The following RASA3 variants were observed in gnomAD, a reference collection of about 807,000 sequenced individuals.
RASA3 encodes the protein RAS p21 protein activator 3.
A neutral mutation model predicts 110.0 loss-of-function variants in RASA3; 73 were observed. That is an observed-to-expected ratio of 0.66 (90% CI 0.55 to 0.81). RASA3 has a LOEUF of 0.81. RASA3 is among the 30% of genes least tolerant of loss of function. The pLI, the probability that RASA3 is intolerant of heterozygous loss-of-function variation, is 0.00. For missense variants in RASA3, 976 were observed against 1,113.2 expected, an observed-to-expected ratio of 0.88 and a Z score of 1.75; for synonymous variants, 500 against 451.4, an observed-to-expected ratio of 1.11 and a Z score of -1.37.
intron 1 of RASA3, among the ~76,000 whole-genome samples, chr13:114,074,294 T>C (rs1372611543): frequency 6.6e-6 from 1 of 152,148 alleles, no homozygotes; most frequent in Admixed American, 6.5e-5. Context: ...CCCCTCCTGC[T>C]GTCTCCCAGT....
chr13:113,999,463 T>G, intron 20 of RASA3, 122 bp downstream of exon 20: 4 of 748,876 alleles, frequency 5.3e-6, no homozygotes, highest in East Asian at 2.6e-5. Flanking sequence ...ACACGAAGAC[T>G]CTGAGAAGCC....
chr13:114,118,405 C>G (rs927037146), intron 1 of RASA3, among the ~76,000 whole-genome samples: 1 of 152,126 alleles, frequency 6.6e-6, no homozygotes, highest in East Asian at 1.9e-4. Flanking sequence ...ATTAACACAT[C>G]AAGTAAAACT....
intron 20 of RASA3, among the ~76,000 whole-genome samples, chr13:113,998,009 G>A (rs1182269332): frequency 6.6e-6 from 1 of 152,232 alleles, no homozygotes; most frequent in Admixed American, 6.5e-5. Flanking sequence ...CCTTCAGAAA[G>A]GTCTCCCCAG....
intron 2 of RASA3, among the ~76,000 whole-genome samples, chr13:114,054,143 T>C (rs1298882905): frequency 6.6e-6 from 1 of 151,384 alleles, no homozygotes; most frequent in Admixed American, 6.6e-5. Flanking sequence ...ATAATAAAAA[T>C]TAAAAAAATA....
chr13:114,109,132 T>C (rs185494676), intron 1 of RASA3, among the ~76,000 whole-genome samples: 361 of 152,308 alleles, frequency 2.4e-3, no homozygotes, highest in African/African-American at 8.6e-3. Context: ...GGCAGGGTCC[T>C]GGCCTGACAA....
At chr13:114,012,811 ACTC>A (rs67526054) in intron 15 of RASA3, among the ~76,000 whole-genome samples, 1,191 of 59,376 alleles carry the variant, frequency 0.02, 130 homozygotes, top group Admixed American at 0.056. Flanking sequence ...CACTCCACAC[ACTC>A]CTCATTCCAC....
chr13:114,019,445 C>T (rs1170935332), intron 9 of RASA3, among the ~76,000 whole-genome samples: 2 of 152,220 alleles, frequency 1.3e-5, no homozygotes, highest in African/African-American at 4.8e-5. Context: ...CTCTTCTGCT[C>T]TCATTTGTGG....
chr13:113,989,469 G>C (rs1218977336), intron 22 of RASA3, among the ~76,000 whole-genome samples: 7 of 81,696 alleles, frequency 8.6e-5, no homozygotes, highest in African/African-American at 2.9e-4. Context: ...TCACCCATCT[G>C]TCCATCCACC....
intron 1 of RASA3, among the ~76,000 whole-genome samples, chr13:114,093,866 C>T (rs774138404): frequency 1.3e-5 from 2 of 151,898 alleles, no homozygotes; most frequent in Admixed American, 6.6e-5. Context: ...GCATTTCATT[C>T]ACTGTATTTT....
intron 1 of RASA3, among the ~76,000 whole-genome samples, chr13:114,109,231 G>A (rs749665486): frequency 6.6e-6 from 1 of 152,226 alleles, no homozygotes; most frequent in Non-Finnish European, 1.5e-5. Context: ...TCTGGTGCCA[G>A]GGTCTTGCTT....
chr13:114,016,350 T>G, intron 12 of RASA3, 79 bp from the exon 13 acceptor site: 1 of 1,072,582 alleles, frequency 9.3e-7, no homozygotes, highest in Non-Finnish European at 1.4e-6. Context: ...GTCTCAGGCC[T>G]GGCTGAGATG....
chr13:114,041,785 G>A (rs779413286), intron 3 of RASA3, among the ~76,000 whole-genome samples: 13 of 152,238 alleles, frequency 8.5e-5, no homozygotes, highest in South Asian at 4.1e-4. Flanking sequence ...CCCACGCGAC[G>A]TGGGTTGGTC....
chr13:114,106,084 G>A (rs943651288), intron 1 of RASA3, among the ~76,000 whole-genome samples: 1 of 152,172 alleles, frequency 6.6e-6, no homozygotes, highest in African/African-American at 2.4e-5. Context: ...ATCGCAGAGC[G>A]GCACACGGCA....
intron 1 of RASA3, among the ~76,000 whole-genome samples, chr13:114,117,129 ATG>A (rs1401098605): frequency 7.9e-6 from 1 of 126,792 alleles, no homozygotes; most frequent in Non-Finnish European, 1.6e-5. Flanking sequence ...TGAGGGATGC[ATG>A]TGTGTGAGGA....
intron 2 of RASA3, among the ~76,000 whole-genome samples, chr13:114,054,057 C>A (rs982555710): frequency 6.6e-6 from 1 of 152,030 alleles, no homozygotes; most frequent in African/African-American, 2.4e-5. Flanking sequence ...ACCTGGGAGG[C>A]AGAGGTTGCA....
rs1555343918 is a variant in RASA3 at position 114,112,105 on chromosome 13, C to CCA, written c.55+20329_55+20330insTG. Among the ~76,000 whole-genome samples the CCA allele has an allele frequency of 5.9e-5, 9 of 151,740 alleles. No homozygotes were observed. Among genetic ancestry groups the CCA allele is most frequent in the Non-Finnish European group, 1.2e-4 (8 of 67,910 alleles). ...GAAACAGCAGCCCCCAGGCACCCCC[C>CCA]CCAGCAACTGGGACAAGGGCACACC... On this transcript the variant is annotated intron_variant, in intron 1 of 23. Coordinates refer to ENST00000334062, the MANE Select transcript of RASA3 (RefSeq NM_007368.4). This position sits in a 1 kb window ranked among gnomAD's most constrained non-coding sequence, Gnocchi z 4.8.
At position 113,995,479 on chromosome 13, in the gene RASA3, C is replaced by T. The variant is rs61967990; in HGVS notation, c.2141+1052G>A. On this transcript the variant is annotated intron_variant, in intron 21 of 23. Transcript: ENST00000334062. ...GCCCTTATGCGAAAGCATCACGTGGCCACAACAACAGCGAGGTGCATCTCA... is the reference window on the plus strand; with the variant it reads ...GCCCTTATGCGAAAGCATCACGTGGTCACAACAACAGCGAGGTGCATCTCA... Among the ~76,000 whole-genome samples the T allele has an allele frequency of 1.6e-3, 246 of 152,364 alleles. 2 individuals carry two copies. Among genetic ancestry groups the T allele is most frequent in the Admixed American group, 8.4e-3 (129 of 15,312 alleles).
intron 8 of RASA3, 64 bp downstream of exon 8, chr13:114,024,212 GAAC>G: frequency 2.1e-6 from 3 of 1,420,220 alleles, no homozygotes; most frequent in Non-Finnish European, 3.0e-6. Flanking sequence ...TAGTAACAAA[GAAC>G]AAAAGAGCTG....
Position 114,115,422 on chromosome 13 carries a change from C to T in RASA3, c.55+17013G>A, listed in dbSNP as rs1184536332. Among the ~76,000 whole-genome samples, 18 of 152,176 alleles carry T rather than the reference C, an allele frequency of 1.2e-4. No homozygotes were observed. Among genetic ancestry groups the T allele is most frequent in the African/African-American group, 1.7e-4 (7 of 41,440 alleles). ...AAGGCTTGGGTTAGTGTCGGGCACGCGGGGGAGGTGCCTGCCTGCGTGAAG... is the reference window on the plus strand; with the variant it reads ...AAGGCTTGGGTTAGTGTCGGGCACGTGGGGGAGGTGCCTGCCTGCGTGAAG... On this transcript the variant is annotated intron_variant, in intron 1 of 23. Transcript: ENST00000334062. The surrounding 1 kb of genome is among the most constrained non-coding windows in gnomAD (Gnocchi z 5.0).
Sources: gnomAD v4.1 joint callset for allele counts (sites outside exome capture counted in the v4.1 genomes callset) on GRCh38, gnomAD v4.1.1 for gene constraint, Gnocchi (gnomAD v3.1) non-coding constraint, MANE v1.5 for transcripts, NCBI Gene and HGNC (gene_info 2026-07-23, HGNC 2026-07-21) for gene names.